EFCAB5: variants seen among roughly 807,000 people sequenced by gnomAD.
The protein encoded by EFCAB5 is EF-hand calcium binding domain 5.
A neutral mutation model predicts 167.9 loss-of-function variants in EFCAB5; 131 were observed. The observed-to-expected ratio is 0.78, with a 90% confidence interval of 0.68 to 0.90. The LOEUF (loss-of-function observed/expected upper bound fraction) is 0.90. Among genes scored for constraint, EFCAB5 ranks in the 40% least tolerant of loss-of-function variants. The pLI, the probability that EFCAB5 is intolerant of heterozygous loss-of-function variation, is 0.00. For synonymous variants in EFCAB5, 574 were observed against 602.8 expected, an observed-to-expected ratio of 0.95 and a Z score of 0.70; for missense variants, 1,663 against 1,745.2, an observed-to-expected ratio of 0.95 and a Z score of 0.84.
In EFCAB5 at chr17:29,933,413, C is replaced by T. The variant is rs190324282; in HGVS notation, c.-127+4084C>T. On this transcript the variant is annotated intron_variant, in intron 1 of 3. Coordinates refer to the EFCAB5 transcript ENST00000448319. ...CCCATTTATACCTAATTTCCCTAGG[C>T]TCCACCCTGGTTCCTCCTAGGTCTT... Among the ~76,000 whole-genome samples the T allele has an allele frequency of 3.9e-4, 60 of 152,304 alleles. 1 individual carries two copies. Among genetic ancestry groups the T allele is most frequent in the African/African-American group, 1.4e-3 (59 of 41,570 alleles).
chr17:30,087,576 A>C (rs915877104), intron 19 of EFCAB5, among the ~76,000 whole-genome samples: 1 of 152,174 alleles, frequency 6.6e-6, no homozygotes, highest in African/African-American at 2.4e-5. Flanking sequence ...TTTGCTGAAG[A>C]TAATGACTTC....
chr17:30,055,924 G>A lies in EFCAB5; in HGVS notation c.2231G>A (p.Cys744Tyr). 6.2e-7 allele frequency: 1 copy of A among 1,613,680 alleles called. No homozygotes were observed. ...TKKEVQKDKPCEPKSQKIEGK... is the reference protein window; with the variant it reads ...TKKEVQKDKPYEPKSQKIEGK... ...AAGGAAGTTCAGAAAGACAAGCCCTGTGAACCCAAGTCCCAAAAAATAGAA... is the reference window on the plus strand; with the variant it reads ...AAGGAAGTTCAGAAAGACAAGCCCTATGAACCCAAGTCCCAAAAAATAGAA... The change falls in exon 11 of 23, where the codon TGT (cysteine) becomes TAT (tyrosine). Residue 744 changes from cysteine (C) to tyrosine (Y), a missense_variant. Cys to Tyr is a radical substitution (Grantham distance 194). Coordinates refer to ENST00000394835, the MANE Select transcript of EFCAB5 (RefSeq NM_198529.4).
chr17:30,029,996 T>C (rs536956566), intron 7 of EFCAB5, among the ~76,000 whole-genome samples: 22 of 152,352 alleles, frequency 1.4e-4, no homozygotes, highest in Non-Finnish European at 1.9e-4. Flanking sequence ...ACAGTTCAAA[T>C]GTTTAACATC....
chr17:30,015,759 C>CTTTTTTTTTTTTTTTTTTTTTTT (rs71138866), intron 7 of EFCAB5, among the ~76,000 whole-genome samples: 2 of 130,566 alleles, frequency 1.5e-5, no homozygotes, highest in Non-Finnish European at 3.3e-5. Flanking sequence ...TTGGTTATTT[C>CTTTTTTTTTTTTTTTTTTTTTTT]TTTTTTTTTT....
chr17:30,075,267 C>A (rs899633720), intron 14 of EFCAB5, among the ~76,000 whole-genome samples: 1 of 152,300 alleles, frequency 6.6e-6, no homozygotes, highest in South Asian at 2.1e-4. Context: ...TAACATCTTG[C>A]ACTAATCGGC....
At chr17:30,057,238 C>CACAGAAAA (rs2070296408) in intron 12 of EFCAB5, among the ~76,000 whole-genome samples, 1 of 152,108 alleles carries the variant, frequency 6.6e-6, no homozygotes. Context: ...TTTTCTGTGT[C>CACAGAAAA]ACTTTCAATT....
intron 7 of EFCAB5, among the ~76,000 whole-genome samples, chr17:30,007,861 C>T (rs1373968895): frequency 6.6e-6 from 1 of 152,136 alleles, no homozygotes; most frequent in Non-Finnish European, 1.5e-5. Flanking sequence ...GTGGCTCACG[C>T]CTGTAATCCC....
intron 14 of EFCAB5, among the ~76,000 whole-genome samples, chr17:30,077,652 T>C (rs1209053115): frequency 1.3e-5 from 2 of 152,288 alleles, no homozygotes; most frequent in African/African-American, 4.8e-5. Context: ...ATGAGTAGAA[T>C]GGAGATACTG....
chr17:29,938,406 A>G (rs2067263098), upstream of EFCAB5, among the ~76,000 whole-genome samples: 2 of 152,232 alleles, frequency 1.3e-5, no homozygotes, highest in South Asian at 4.1e-4. Context: ...ATAACTGATC[A>G]GAGTAGTGGT....
intron 14 of EFCAB5, chr17:30,073,594 A>G (rs1489848894): frequency 4.4e-6 from 3 of 681,832 alleles, no homozygotes; most frequent in Non-Finnish European, 8.2e-6. Flanking sequence ...CATGCATATC[A>G]TTCATTAGAG....
At chr17:30,009,027 TGTCTTTGTG>T (rs947022782) in intron 7 of EFCAB5, among the ~76,000 whole-genome samples, 1 of 152,222 alleles carries the variant, frequency 6.6e-6, no homozygotes, top group African/African-American at 2.4e-5. Context: ...CACCAGTCCC[TGTCTTTGTG>T]GTCACATTGC....
chr17:29,994,890 T>C (rs2068511638), intron 5 of EFCAB5, among the ~76,000 whole-genome samples: 1 of 152,258 alleles, frequency 6.6e-6, no homozygotes, highest in Non-Finnish European at 1.5e-5. Flanking sequence ...CTGAGGGTCC[T>C]GGGAATTTAA....
chr17:29,935,975 A>G (rs1420408821), intron 1 of EFCAB5, among the ~76,000 whole-genome samples: 1 of 152,136 alleles, frequency 6.6e-6, no homozygotes. Flanking sequence ...TAGAAAAACT[A>G]CTACAAACTG....
chr17:30,080,720 C>A, intron 16 of EFCAB5, 33 bp from the exon 17 acceptor site: 1 of 1,466,524 alleles, frequency 6.8e-7, no homozygotes, highest in Non-Finnish European at 9.4e-7. Flanking sequence ...TCTCCCTGTG[C>A]CTTTCTTCCA....
chr17:29,986,267 C>T (rs984583838), intron 4 of EFCAB5, among the ~76,000 whole-genome samples: 1 of 152,122 alleles, frequency 6.6e-6, no homozygotes. Flanking sequence ...GAATAGTTTC[C>T]ACAAGTCCTT....
chr17:30,078,297 A>C lies in EFCAB5; in HGVS notation c.2820A>C (p.Glu940Asp), dbSNP rs750983576. 6.2e-7 allele frequency: 1 copy of C among 1,613,836 alleles called. No individual in the cohort carries two copies. Among genetic ancestry groups the C allele is most frequent in the African/African-American group, 1.3e-5 (1 of 74,902 alleles). The stretch of plus-strand genomic sequence containing the variant: ...CAAAACAATTTCAGAATTACATAGA[A>C]TTGGTTGTGTCTGAACTCAGGGGCA... The part of the protein sequence containing the change: ...LSSKQFQNYI[E>D]LVVSELRGNE... The change falls in exon 15 of 23, where the codon GAA becomes GAC. Residue 940 changes from glutamate to aspartate, a missense_variant. By Grantham distance (45) the Glu-to-Asp change is conservative. Coordinates refer to ENST00000394835, the MANE Select transcript of EFCAB5 (RefSeq NM_198529.4).
Position 30,053,864 on chromosome 17 carries a change from G to C in EFCAB5, c.1910G>C (p.Gly637Ala), listed in dbSNP as rs776309445. ...GSRRMSAAEQ[G>A]SLRESVIEEP... is the part of the protein sequence containing the mutation. ...CGCAGAATGTCAGCTGCAGAACAGGGATCACTCAGAGAGTCAGTAATAGAA... is the reference window on the plus strand; with the variant it reads ...CGCAGAATGTCAGCTGCAGAACAGGCATCACTCAGAGAGTCAGTAATAGAA... Residue 637 changes from glycine (G) to alanine (A), a missense_variant, in exon 10 of 23, where the codon GGA becomes GCA. Coordinates refer to ENST00000394835, the MANE Select transcript of EFCAB5 (RefSeq NM_198529.4). 13 of 1,613,896 alleles carry C rather than the reference G, an allele frequency of 8.1e-6. No homozygotes were observed. In the African/African-American group the frequency reaches 1.7e-4, roughly 22 times the overall value.
intron 22 of EFCAB5, among the ~76,000 whole-genome samples, chr17:30,102,516 A>G (rs1371137179): frequency 1.3e-5 from 2 of 152,018 alleles, no homozygotes; most frequent in African/African-American, 4.8e-5. Context: ...GATTACAGGC[A>G]TGAGCCACCA....
At chr17:30,029,534 G>C (rs1346542476) in intron 7 of EFCAB5, among the ~76,000 whole-genome samples, 1 of 151,818 alleles carries the variant, frequency 6.6e-6, no homozygotes, top group Non-Finnish European at 1.5e-5. Context: ...ATAAGTCAGG[G>C]GCTGTCTGTA....
Sources: allele counts gnomAD v4.1 joint callset (sites outside exome capture counted in the v4.1 genomes callset), GRCh38; gene constraint gnomAD v4.1.1; transcripts MANE v1.5; gene names NCBI Gene and HGNC (gene_info 2026-07-23, HGNC 2026-07-21).